SORCS2: variants seen among roughly 807,000 people sequenced by gnomAD.
SORCS2 encodes the protein VPS10 domain-containing receptor SorCS2.
Under a neutral mutation model 141.6 loss-of-function variants are expected in SORCS2, and 100 were observed. That is an observed-to-expected ratio of 0.71 (90% CI 0.60 to 0.83). SORCS2 has a LOEUF of 0.83. SORCS2 is among the 40% of genes least tolerant of loss of function. SORCS2 has a pLI of 0.00. For missense variants in SORCS2, 1,646 were observed against 1,560.2 expected, an observed-to-expected ratio of 1.05 and a Z score of -0.93; for synonymous variants, 789 against 676.9, an observed-to-expected ratio of 1.17 and a Z score of -2.57.
intron 8 of SORCS2, among the ~76,000 whole-genome samples, chr4:7,670,263 G>C (rs1364261796): frequency 2.0e-5 from 3 of 151,990 alleles, no homozygotes; most frequent in Non-Finnish European, 4.4e-5. Flanking sequence ...AACTATAAAG[G>C]GTGGGCCGTT....
rs9759802 is a variant in SORCS2, at chr4:7,246,478, C to T, written c.480+53352C>T. Among the ~76,000 whole-genome samples the T allele has an allele frequency of 2.3e-3, 286 of 125,410 alleles. 1 individual carries two copies. Among genetic ancestry groups the T allele is most frequent in the Non-Finnish European group, 3.7e-3 (223 of 60,276 alleles). The allele number at this position is 125,410 out of a possible 152,430, so 82.3% of individuals were successfully genotyped here. Reference sequence around the variant, plus strand: ...CACCTGGGGCTTAAATGAACCCACACGTCTCACCTGGGGCTTAAATGAACC... The same window carrying T: ...CACCTGGGGCTTAAATGAACCCACATGTCTCACCTGGGGCTTAAATGAACC... On this transcript the variant is annotated intron_variant, in intron 1 of 26. Coordinates refer to ENST00000507866, the MANE Select transcript of SORCS2 (RefSeq NM_020777.3).
chr4:7,264,006 C>G (rs1714546928), intron 1 of SORCS2, among the ~76,000 whole-genome samples: 1 of 152,202 alleles, frequency 6.6e-6, no homozygotes, highest in African/African-American at 2.4e-5. Flanking sequence ...TCCTGAGGAT[C>G]CAGTGTGTGC....
intron 3 of SORCS2, among the ~76,000 whole-genome samples, chr4:7,604,442 T>C (rs1859234): frequency 1 from 150,993 of 151,072 alleles, 75,457 homozygotes; most frequent in Middle Eastern, 1. Flanking sequence ...CTCAGCCTCC[T>C]GAGTAGCTGG....
rs182532846 is a variant in SORCS2, at chr4:7,419,636, C to T, written c.548+23281C>T. ...CAGTTTCTCACTTTTCCTCTGTAAA[C>T]ACTGGTGTTTTGAGTCAGCCTTCTT... On this transcript the variant is annotated intron_variant, in intron 2 of 26. Coordinates refer to ENST00000507866, the MANE Select transcript of SORCS2 (RefSeq NM_020777.3). 3.3e-4 allele frequency among the ~76,000 whole-genome samples: 50 copies of T among 152,340 alleles called. No homozygotes were observed. The Middle Eastern group carries it at 0.017, about 52-fold the overall frequency.
chr4:7,602,078 A>G (rs1359887289), intron 3 of SORCS2, among the ~76,000 whole-genome samples: 1 of 152,246 alleles, frequency 6.6e-6, no homozygotes. Context: ...CTTTCTACAC[A>G]GACACAGCAA....
chr4:7,601,085 C>T (rs1717634553), intron 3 of SORCS2, among the ~76,000 whole-genome samples: 2 of 152,082 alleles, frequency 1.3e-5, no homozygotes, highest in Non-Finnish European at 2.9e-5. Flanking sequence ...AGGGTTTCGC[C>T]GTGTTTCCTG....
At chr4:7,737,038 A>G (rs1279705855) in intron 25 of SORCS2, 31 bp from the exon 26 acceptor site, 1 of 1,549,752 alleles carries the variant, frequency 6.5e-7, no homozygotes, top group Non-Finnish European at 8.7e-7. Flanking sequence ...AAGCCCCTCC[A>G]AGCTGAGCCG....
chr4:7,296,894 C>T (rs996711053), intron 1 of SORCS2, among the ~76,000 whole-genome samples: 1 of 152,202 alleles, frequency 6.6e-6, no homozygotes, highest in Admixed American at 6.5e-5. Flanking sequence ...GACTCCCCAG[C>T]CCCCTCTGGC....
chr4:7,698,223 G>A (rs962160040), intron 12 of SORCS2, among the ~76,000 whole-genome samples: 9 of 152,154 alleles, frequency 5.9e-5, no homozygotes, highest in African/African-American at 2.2e-4. Context: ...CTGGGGAAAT[G>A]AATCAAACTT....
In SORCS2 at chr4:7,487,569, C is replaced by T. The variant is rs576222948; in HGVS notation, c.549-43961C>T. Among the ~76,000 whole-genome samples, 20 of 152,336 alleles carry T rather than the reference C, an allele frequency of 1.3e-4. No homozygotes were observed. The South Asian group carries it at 3.9e-3, about 30-fold the overall frequency. On this transcript the variant is annotated intron_variant, in intron 2 of 26. Transcript: ENST00000507866. ...CTTTGCCTGCACTAGAGAGAGCGCGCTGCATGCACCTGGCCTCTGCACTTC... is the reference window on the plus strand; with the variant it reads ...CTTTGCCTGCACTAGAGAGAGCGCGTTGCATGCACCTGGCCTCTGCACTTC...
chr4:7,671,786 G>A (rs1722812800), intron 8 of SORCS2, among the ~76,000 whole-genome samples: 1 of 152,012 alleles, frequency 6.6e-6, no homozygotes, highest in Non-Finnish European at 1.5e-5. Context: ...AAGGCAGAGA[G>A]ACTATTTGAA....
At chr4:7,578,465 T>C (rs1715917583) in intron 3 of SORCS2, among the ~76,000 whole-genome samples, 1 of 152,246 alleles carries the variant, frequency 6.6e-6, no homozygotes. Flanking sequence ...CAGCAGCTCT[T>C]GTCTGTCCCT....
chr4:7,455,619 T>TGTGTTGGGGTCAGGCGCC (rs1577593862), intron 2 of SORCS2, among the ~76,000 whole-genome samples: 2 of 147,326 alleles, frequency 1.4e-5, no homozygotes, highest in Non-Finnish European at 3.0e-5. Context: ...GGTCAGGCTC[T>TGTGTTGGGGTCAGGCGCC]GTGTTGGGGT....
At chr4:7,435,033 G>T in intron 2 of SORCS2, 1 of 917,680 alleles carries the variant, frequency 1.1e-6, no homozygotes, top group Non-Finnish European at 1.6e-6. Flanking sequence ...GGGGATTCCT[G>T]GCCTCTTCGC....
intron 1 of SORCS2, among the ~76,000 whole-genome samples, chr4:7,374,187 C>CTTTCTTTCTTTCTTTCT (rs1722480394): frequency 7.5e-6 from 1 of 133,652 alleles, no homozygotes; most frequent in African/African-American, 2.8e-5. Flanking sequence ...TTCTTTCTTT[C>CTTTCTTTCTTTCTTTCT]TTTCTTTCTT....
At chr4:7,344,184 C>T (rs973247008) in intron 1 of SORCS2, among the ~76,000 whole-genome samples, 16 of 152,192 alleles carry the variant, frequency 1.1e-4, no homozygotes. Context: ...TCAGGCAGTG[C>T]CATTTGCCCC....
chr4:7,454,296 G>A (rs1458482245), intron 2 of SORCS2, among the ~76,000 whole-genome samples: 23 of 125,512 alleles, frequency 1.8e-4, no homozygotes, highest in Middle Eastern at 5.7e-3. Context: ...GTCAGGCGCT[G>A]TGTTGGGGTT....
At chr4:7,437,240 T>G (rs935555170) in intron 2 of SORCS2, among the ~76,000 whole-genome samples, 1 of 152,310 alleles carries the variant, frequency 6.6e-6, no homozygotes, top group East Asian at 1.9e-4. Flanking sequence ...TCCTCGGGTT[T>G]GATAATTCTC....
intron 3 of SORCS2, among the ~76,000 whole-genome samples, chr4:7,570,365 C>T (rs949123742): frequency 3.3e-5 from 5 of 152,248 alleles, no homozygotes; most frequent in African/African-American, 1.2e-4. Flanking sequence ...CCTCCTGGGA[C>T]GCAGACCCTC....
Sources: allele counts gnomAD v4.1 joint callset (sites outside exome capture counted in the v4.1 genomes callset), GRCh38; gene constraint gnomAD v4.1.1; transcripts MANE v1.5; gene names NCBI Gene and HGNC (gene_info 2026-07-23, HGNC 2026-07-21).